SNX8: variants seen among roughly 807,000 people sequenced by gnomAD.
SNX8 encodes the protein sorting nexin-8.
SNX8 carries 25 observed loss-of-function variants against 51.6 expected under a neutral mutation model. The ratio of observed to expected loss-of-function variants is 0.48; its 90% CI spans 0.35 to 0.68. The LOEUF is 0.68. Ranked by LOEUF, SNX8 falls within the 30% of genes least tolerant of loss-of-function variation. SNX8 has a pLI of 0.00. For missense variants in SNX8, 695 were observed against 624.0 expected, an observed-to-expected ratio of 1.11 and a Z score of -1.21; for synonymous variants, 324 against 277.0, an observed-to-expected ratio of 1.17 and a Z score of -1.68.
At chr7:2,336,749 G>A (rs1410236221) in intron 1 of SNX8, among the ~76,000 whole-genome samples, 1 of 151,834 alleles carries the variant, frequency 6.6e-6, no homozygotes, top group Non-Finnish European at 1.5e-5. Flanking sequence ...GCTCACCCCT[G>A]TTATCCCAGC....
intron 1 of SNX8, among the ~76,000 whole-genome samples, chr7:2,337,571 T>C (rs1350434234): frequency 2.0e-5 from 3 of 152,064 alleles, no homozygotes; most frequent in African/African-American, 4.8e-5. Flanking sequence ...ATAATAAAAT[T>C]ACAGACTATT....
intron 1 of SNX8, among the ~76,000 whole-genome samples, chr7:2,285,971 T>C (rs111923610): frequency 8.2e-4 from 124 of 151,282 alleles, no homozygotes; most frequent in African/African-American, 2.6e-3. Flanking sequence ...GCGTGAGCCA[T>C]AGCACCCAGC....
intron 1 of SNX8, among the ~76,000 whole-genome samples, chr7:2,352,353 T>G (rs879826621): frequency 6.6e-6 from 1 of 152,110 alleles, no homozygotes; most frequent in Non-Finnish European, 1.5e-5. Context: ...ATTGCACTGT[T>G]TCAGTTACTT....
intron 1 of SNX8, among the ~76,000 whole-genome samples, chr7:2,327,934 C>T (rs894801824): frequency 6.6e-6 from 1 of 152,154 alleles, no homozygotes; most frequent in African/African-American, 2.4e-5. Flanking sequence ...ACGATCATGG[C>T]TCACTGCAAC....
At chr7:2,337,423 T>C (rs969030038) in intron 1 of SNX8, 1 of 150,902 alleles carries the variant, frequency 6.6e-6, no homozygotes, top group Non-Finnish European at 1.5e-5. Flanking sequence ...CACTCCAGCC[T>C]GGGTGACAGA....
chr7:2,340,407 G>A (rs1195567563), intron 1 of SNX8, among the ~76,000 whole-genome samples: 1 of 151,560 alleles, frequency 6.6e-6, no homozygotes. Flanking sequence ...ATAGCTTTAT[G>A]AGTGGGAAAG....
At chr7:2,333,727 G>C (rs867186752) in intron 1 of SNX8, among the ~76,000 whole-genome samples, 1 of 152,140 alleles carries the variant, frequency 6.6e-6, no homozygotes, top group Non-Finnish European at 1.5e-5. Context: ...TTGTGTAAAG[G>C]ATTAATTCAA....
chr7:2,282,163 G>A (rs886104606), intron 1 of SNX8, among the ~76,000 whole-genome samples: 2 of 152,192 alleles, frequency 1.3e-5, no homozygotes, highest in Admixed American at 6.5e-5. Flanking sequence ...CTTCCTTCCA[G>A]ATTTACCACG....
At chr7:2,353,445 G>C (rs957881789) in intron 1 of SNX8, among the ~76,000 whole-genome samples, 4 of 151,746 alleles carry the variant, frequency 2.6e-5, no homozygotes, top group Admixed American at 6.6e-5. Context: ...TACCTTTTTG[G>C]CATTTTATTT....
chr7:2,274,354 G>A (rs965539063), intron 3 of SNX8, among the ~76,000 whole-genome samples: 4 of 152,244 alleles, frequency 2.6e-5, no homozygotes, highest in Non-Finnish European at 5.9e-5. Flanking sequence ...TCCAGGACAC[G>A]GTGACTGTGG....
At chr7:2,257,251 C>G (rs1175373714) in intron 9 of SNX8, 114 bp downstream of exon 9, 12 of 1,321,708 alleles carry the variant, frequency 9.1e-6, no homozygotes, top group African/African-American at 1.5e-5. Flanking sequence ...ACCCCCAGCT[C>G]TGTTCCAGAC....
chr7:2,351,758 G>A (rs1562467158), intron 1 of SNX8, among the ~76,000 whole-genome samples: 2 of 151,512 alleles, frequency 1.3e-5, no homozygotes, highest in African/African-American at 2.4e-5. Context: ...TTGAACCCGG[G>A]AGGTGGAGCT....
rs980599683 is a variant in SNX8 at position 2,306,259 on chromosome 7, C to T, written c.94+8069G>A. On this transcript the variant is annotated intron_variant, in intron 1 of 10. Transcript: ENST00000222990. ...TCTCCTTCCTCAGGCTCCCGAGTAG[C>T]TGGGATTACAGGCGCATGCCACCAA... Among the ~76,000 whole-genome samples, 6 of 152,276 alleles carry T rather than the reference C, an allele frequency of 3.9e-5. No homozygotes were observed. The East Asian group carries it at 1.2e-3, about 29-fold the overall frequency.
chr7:2,289,302 C>T (rs759811828), intron 1 of SNX8, among the ~76,000 whole-genome samples: 6 of 152,154 alleles, frequency 3.9e-5, no homozygotes, highest in Non-Finnish European at 7.3e-5. Context: ...ATATGTGTGC[C>T]TTTCTGTTGG....
chr7:2,280,374 G>C (rs1173362560), intron 1 of SNX8, among the ~76,000 whole-genome samples: 1 of 151,786 alleles, frequency 6.6e-6, no homozygotes, highest in Non-Finnish European at 1.5e-5. Context: ...AGCTACTCAG[G>C]AGGTTGAGGC....
Position 2,257,523 on chromosome 7 carries a change from C to T in SNX8, c.985-9G>A, listed in dbSNP as rs746235799. 17 of 1,600,178 alleles carry T rather than the reference C, an allele frequency of 1.1e-5. No homozygotes were observed. The highest frequency in any genetic ancestry group is 1.4e-5 in the Non-Finnish European group (16 of 1,177,510). On this transcript the variant is annotated splice_polypyrimidine_tract_variant and intron_variant, in intron 8 of 10. Transcript: ENST00000222990. ...TGCCGCTCGCACAGGTCCTGCGGGG[C>T]CGGGGGAGGCATTCGCCCGCTGTCT...
chr7:2,270,574 ACCCACTGCACCCCTG>A (rs1314953639), intron 4 of SNX8, among the ~76,000 whole-genome samples: 1 of 151,920 alleles, frequency 6.6e-6, no homozygotes, highest in African/African-American at 2.4e-5. Context: ...CCCACCTGTG[ACCCACTGCACCCCTG>A]CCCACCGCCC....
Position 2,254,988 on chromosome 7 carries a change from C to T in SNX8, c.*68G>A. On this transcript the variant is annotated 3_prime_UTR_variant, in exon 11 of 11. Coordinates refer to ENST00000222990, the MANE Select transcript of SNX8 (RefSeq NM_013321.4). Reference sequence around the variant, plus strand: ...GGGAGCTGCCGTCCAAAGGGAATTACACCGGGACACACCGTTTGGAAAGAG... The same window carrying T: ...GGGAGCTGCCGTCCAAAGGGAATTATACCGGGACACACCGTTTGGAAAGAG... The T allele has an allele frequency of 1.9e-6, 2 of 1,069,886 alleles. No individual in the cohort carries two copies. The highest frequency in any genetic ancestry group is 2.6e-5 in the East Asian group (1 of 38,780). The allele number at this position is 1,069,886 out of a possible 1,614,324, so 66.3% of individuals were successfully genotyped here.
chr7:2,305,206 G>A (rs1796519484), intron 1 of SNX8, among the ~76,000 whole-genome samples: 1 of 152,202 alleles, frequency 6.6e-6, no homozygotes, highest in Admixed American at 6.6e-5. Flanking sequence ...TCTGTTAGGA[G>A]CAGACACTGA....
Sources: allele counts gnomAD v4.1 joint callset (sites outside exome capture counted in the v4.1 genomes callset), GRCh38; gene constraint gnomAD v4.1.1; transcripts MANE v1.5; gene names NCBI Gene and HGNC (gene_info 2026-07-23, HGNC 2026-07-21).